The following FBXL7 variants were observed in gnomAD, a reference collection of about 807,000 sequenced individuals.
The protein encoded by FBXL7 is F-box and leucine rich repeat protein 7.
Under a neutral mutation model 38.3 loss-of-function variants are expected in FBXL7, and 12 were observed. The ratio of observed to expected loss-of-function variants is 0.31; its 90% CI spans 0.20 to 0.51. The LOEUF is 0.51. Among genes scored for constraint, FBXL7 ranks in the 20% least tolerant of loss-of-function variants. The probability of loss-of-function intolerance (pLI) is 0.98; values close to 1 mark genes in which losing one functional copy is unlikely to be tolerated. For synonymous variants in FBXL7, 297 were observed against 300.9 expected (o/e 0.99, Z 0.13); for missense variants, 567 against 676.4 (o/e 0.84, Z 1.79).
intron 2 of FBXL7, among the ~76,000 whole-genome samples, chr5:15,758,381 T>C (rs894333209): frequency 6.6e-6 from 1 of 151,878 alleles, no homozygotes; most frequent in Non-Finnish European, 1.5e-5. Flanking sequence ...TATTGCCTGA[T>C]GCTGAAATTT....
At chr5:15,814,059 C>T (rs1365989397) in intron 2 of FBXL7, among the ~76,000 whole-genome samples, 1 of 152,144 alleles carries the variant, frequency 6.6e-6, no homozygotes, top group Non-Finnish European at 1.5e-5. Flanking sequence ...CCATTTGACC[C>T]AGCGATCCCT....
chr5:15,704,674 G>A (rs752663364), intron 2 of FBXL7, among the ~76,000 whole-genome samples: 1 of 152,136 alleles, frequency 6.6e-6, no homozygotes, highest in Non-Finnish European at 1.5e-5. Flanking sequence ...TGCAAACAAG[G>A]CTGGATGTTT....
intron 2 of FBXL7, among the ~76,000 whole-genome samples, chr5:15,902,953 C>A (rs1741265696): frequency 6.6e-6 from 1 of 152,212 alleles, no homozygotes; most frequent in African/African-American, 2.4e-5. Context: ...TGACTAGTGT[C>A]CAACCCACCA....
At chr5:15,795,400 A>G (rs1737389552) in intron 2 of FBXL7, among the ~76,000 whole-genome samples, 1 of 152,222 alleles carries the variant, frequency 6.6e-6, no homozygotes, top group African/African-American at 2.4e-5. Flanking sequence ...ATTTGTTCAC[A>G]CTGGCATTTT....
chr5:15,523,270 C>T (rs1027491152), intron 1 of FBXL7, among the ~76,000 whole-genome samples: 8 of 152,138 alleles, frequency 5.3e-5, no homozygotes, highest in Non-Finnish European at 1.0e-4. Context: ...TAAAAATTCA[C>T]ATAGTAGGCT....
intron 2 of FBXL7, among the ~76,000 whole-genome samples, chr5:15,845,633 C>A (rs1322531953): frequency 1.3e-5 from 2 of 152,076 alleles, no homozygotes; most frequent in South Asian, 2.1e-4. Context: ...TACTTAACTT[C>A]TTTTTAATGA....
chr5:15,573,778 A>G (rs947018530), intron 1 of FBXL7, among the ~76,000 whole-genome samples: 17 of 152,180 alleles, frequency 1.1e-4, no homozygotes, highest in Non-Finnish European at 8.8e-5. Context: ...GCAGAGCATG[A>G]ATGTGAGGTC....
intron 2 of FBXL7, among the ~76,000 whole-genome samples, chr5:15,923,580 G>T (rs1741801940): frequency 6.6e-6 from 1 of 152,220 alleles, no homozygotes. Context: ...ATCAAGAAAA[G>T]ATATTTTGTG....
At chr5:15,830,592 A>T (rs868367990) in intron 2 of FBXL7, among the ~76,000 whole-genome samples, 3 of 152,092 alleles carry the variant, frequency 2.0e-5, no homozygotes, top group Middle Eastern at 3.4e-3. Context: ...TTTCTTCTCC[A>T]ACTTTAGAGG....
At chr5:15,807,144 G>A (rs547828970) in intron 2 of FBXL7, among the ~76,000 whole-genome samples, 58 of 152,146 alleles carry the variant, frequency 3.8e-4, no homozygotes, top group Non-Finnish European at 7.6e-4. Flanking sequence ...ATTTCATCAC[G>A]TTGGTCAGGC....
intron 1 of FBXL7, among the ~76,000 whole-genome samples, chr5:15,595,777 T>A (rs1739609746): frequency 6.6e-6 from 1 of 152,218 alleles, no homozygotes; most frequent in South Asian, 2.1e-4. Flanking sequence ...TCTGGGCTTT[T>A]CATCCAAGGC....
chr5:15,772,869 G>A (rs1353059396), intron 2 of FBXL7, among the ~76,000 whole-genome samples: 3 of 151,452 alleles, frequency 2.0e-5, no homozygotes, highest in African/African-American at 7.3e-5. Flanking sequence ...GACCTTAATA[G>A]TGACTCAGAG....
chr5:15,610,062 A>G (rs1740176387), intron 1 of FBXL7, among the ~76,000 whole-genome samples: 1 of 152,178 alleles, frequency 6.6e-6, no homozygotes, highest in African/African-American at 2.4e-5. Flanking sequence ...AAACACTTAT[A>G]AAACCATCAG....
intron 2 of FBXL7, among the ~76,000 whole-genome samples, chr5:15,914,500 C>A (rs1242644325): frequency 6.6e-6 from 1 of 151,716 alleles, no homozygotes; most frequent in Admixed American, 6.6e-5. Context: ...GTGATGTGGG[C>A]TGCATGAGAT....
rs540042974 is a variant in FBXL7 at position 15,569,984 on chromosome 5, C to T, written c.38-45999C>T. On this transcript the variant is annotated intron_variant, in intron 1 of 3. Transcript: ENST00000504595. ...AAGTTTTTTGATGTGCTGCTGGATTCGGTTTGCCAGTATTTTATTGAGGAT... is the reference window on the plus strand; with the variant it reads ...AAGTTTTTTGATGTGCTGCTGGATTTGGTTTGCCAGTATTTTATTGAGGAT... Among the ~76,000 whole-genome samples the T allele has an allele frequency of 3.4e-3, 521 of 152,220 alleles. 1 individual carries two copies. Among genetic ancestry groups the T allele is most frequent in the African/African-American group, 6.5e-3 (271 of 41,534 alleles).
intron 1 of FBXL7, among the ~76,000 whole-genome samples, chr5:15,541,923 A>G (rs1737765597): frequency 6.6e-6 from 1 of 151,946 alleles, no homozygotes; most frequent in African/African-American, 2.4e-5. Context: ...TTGTAAAAAT[A>G]CATGTGTAAA....
In FBXL7 at chr5:15,500,596, G is replaced by T; in HGVS notation, c.-81G>T. 1 of 1,596,796 alleles carries T rather than the reference G, an allele frequency of 6.3e-7. No homozygotes were observed. Among genetic ancestry groups the T allele is most frequent in the Non-Finnish European group, 8.6e-7 (1 of 1,164,784 alleles). ...GTGCAGCTAACGGTCCCGTCGGGCG[G>T]GCTTTCCTCGGGCCGAGCGCGCAGG... On this transcript the variant is annotated 5_prime_UTR_variant, in exon 1 of 4. Coordinates refer to ENST00000504595, the MANE Select transcript of FBXL7 (RefSeq NM_012304.5).
intron 2 of FBXL7, among the ~76,000 whole-genome samples, chr5:15,898,805 G>A (rs146525606): frequency 6.0e-4 from 91 of 152,234 alleles, no homozygotes; most frequent in Middle Eastern, 3.4e-3. Flanking sequence ...CGTTTGCAGC[G>A]CCATTTCCTC....
rs544474103 is a variant in FBXL7 at position 15,813,730 on chromosome 5, GA to G, written c.128-114152del. ...ACAAAGAACTTAAACAAATTTACAAGAAAAAAAATAAACAACCCCATCAATA... is the reference window on the plus strand; with the variant it reads ...ACAAAGAACTTAAACAAATTTACAAGAAAAAAATAAACAACCCCATCAATA... On this transcript the variant is annotated intron_variant, in intron 2 of 3. Coordinates refer to ENST00000504595, the MANE Select transcript of FBXL7 (RefSeq NM_012304.5). Among the ~76,000 whole-genome samples, 345 of 151,466 alleles carry G rather than the reference GA, an allele frequency of 2.3e-3. 5 individuals carry two copies. The highest frequency in any genetic ancestry group is 2.8e-3 in the Non-Finnish European group (191 of 67,820).
Sources: gnomAD v4.1 joint callset for allele counts (sites outside exome capture counted in the v4.1 genomes callset) on GRCh38, gnomAD v4.1.1 for gene constraint, MANE v1.5 for transcripts, NCBI Gene and HGNC (gene_info 2026-07-23, HGNC 2026-07-21) for gene names.